Variants in PINX1 observed in about 807,000 individuals in gnomAD.
PINX1 encodes the protein PIN2 (TERF1) interacting telomerase inhibitor 1.
Under a neutral mutation model 25.4 loss-of-function variants are expected in PINX1, and 34 were observed. The observed-to-expected ratio is 1.34, with a 90% confidence interval of 1.02 to 1.78. The LOEUF is 1.78. PINX1 is among the 40% of genes most tolerant of loss of function. The pLI, the probability that PINX1 is intolerant of heterozygous loss-of-function variation, is 0.00. For synonymous variants in PINX1, 197 were observed against 147.7 expected (o/e 1.33, Z -2.42); for missense variants, 592 against 404.9 (o/e 1.46, Z -3.97).
chr8:10,837,550 G>C (rs926364166), intron 1 of PINX1, among the ~76,000 whole-genome samples: 1 of 152,252 alleles, frequency 6.6e-6, no homozygotes, highest in Admixed American at 6.5e-5. Flanking sequence ...TGGAACAGCA[G>C]TGTTTACAGC....
chr8:10,829,150 G>T (rs1276652253), intron 4 of PINX1, among the ~76,000 whole-genome samples: 2 of 152,026 alleles, frequency 1.3e-5, no homozygotes, highest in Non-Finnish European at 2.9e-5. Context: ...GCCAGGCGTG[G>T]TGGTGTGCAC....
intron 6 of PINX1, among the ~76,000 whole-genome samples, chr8:10,784,669 C>A (rs1420505292): frequency 6.6e-6 from 1 of 152,088 alleles, no homozygotes; most frequent in African/African-American, 2.4e-5. Flanking sequence ...GAGTTCAGGC[C>A]CACAAAATGC....
At chr8:10,792,083 A>G (rs952987608) in intron 6 of PINX1, among the ~76,000 whole-genome samples, 7 of 152,140 alleles carry the variant, frequency 4.6e-5, no homozygotes, top group Admixed American at 1.3e-4. Flanking sequence ...ACGATCAGCT[A>G]TTGGAGTCTG....
At chr8:10,791,576 C>A (rs10107180) in intron 6 of PINX1, among the ~76,000 whole-genome samples, 33,987 of 152,138 alleles carry the variant, frequency 0.22, 3,943 homozygotes, top group East Asian at 0.33. Flanking sequence ...TGTGAAGCTA[C>A]AATTAGAATT....
chr8:10,830,165 T>C (rs1363817413), intron 4 of PINX1, among the ~76,000 whole-genome samples: 2 of 152,274 alleles, frequency 1.3e-5, no homozygotes, highest in African/African-American at 2.4e-5. Flanking sequence ...TAATAAATTA[T>C]TGCCCTTCAT....
intron 6 of PINX1, among the ~76,000 whole-genome samples, chr8:10,774,351 G>A (rs1379097418): frequency 2.0e-5 from 3 of 150,830 alleles, no homozygotes; most frequent in South Asian, 2.1e-4. Context: ...GCACAATCTC[G>A]GCTCACCGCA....
At chr8:10,790,564 T>C (rs2129076349) in intron 6 of PINX1, among the ~76,000 whole-genome samples, 1 of 152,260 alleles carries the variant, frequency 6.6e-6, no homozygotes, top group East Asian at 1.9e-4. Context: ...TGGTCCATAC[T>C]GTCAGCCCCC....
chr8:10,770,953 C>G (rs1305399117), intron 6 of PINX1, among the ~76,000 whole-genome samples: 1 of 152,100 alleles, frequency 6.6e-6, no homozygotes, highest in East Asian at 1.9e-4. Context: ...AAGTAGACTC[C>G]CAGAGATCAA....
intron 4 of PINX1, among the ~76,000 whole-genome samples, chr8:10,830,929 C>G (rs772893874): frequency 9.2e-5 from 14 of 152,152 alleles, no homozygotes; most frequent in Admixed American, 4.6e-4. Flanking sequence ...CTATATGATC[C>G]AGCAATCCAC....
At chr8:10,832,793 G>A (rs1450387826) in intron 3 of PINX1, 99 bp downstream of exon 3, 4 of 667,114 alleles carry the variant, frequency 6.0e-6, no homozygotes, top group East Asian at 2.8e-5. Flanking sequence ...AAGAAGTGCT[G>A]CACCAATGGT....
At chr8:10,772,290 C>T (rs1257325721) in intron 6 of PINX1, among the ~76,000 whole-genome samples, 1 of 152,218 alleles carries the variant, frequency 6.6e-6, no homozygotes, top group Non-Finnish European at 1.5e-5. Flanking sequence ...TGAAAACAAC[C>T]TGGGCAAGCT....
intron 6 of PINX1, among the ~76,000 whole-genome samples, chr8:10,775,682 C>T (rs1288161341): frequency 2.0e-5 from 3 of 152,094 alleles, no homozygotes; most frequent in Admixed American, 2.0e-4. Context: ...AAAACGGGTA[C>T]TCAATTTAAG....
intron 6 of PINX1, among the ~76,000 whole-genome samples, chr8:10,806,994 CTCT>C (rs1316996853): frequency 6.6e-6 from 1 of 152,212 alleles, no homozygotes; most frequent in Non-Finnish European, 1.5e-5. Context: ...TTCCAAATGG[CTCT>C]TCATTAATTG....
At chr8:10,794,131 T>A (rs921993562) in intron 6 of PINX1, among the ~76,000 whole-genome samples, 1 of 152,230 alleles carries the variant, frequency 6.6e-6, no homozygotes, top group Non-Finnish European at 1.5e-5. Context: ...ATTTTTCTCT[T>A]CAAAAGTGAG....
At position 10,826,246 on chromosome 8, in the gene PINX1, T is replaced by G. The variant is rs1798035896; in HGVS notation, c.302-2A>C. 6.6e-7 allele frequency: 1 copy of G among 1,507,074 alleles called. No individual in the cohort carries two copies. The highest frequency in any genetic ancestry group is 9.1e-7 in the Non-Finnish European group (1 of 1,094,578). 93.4% of individuals were successfully genotyped at this position (1,507,074 alleles called of 1,614,324 possible). A position where few individuals can be genotyped will look rare whatever the true frequency, so the allele number is the denominator to read the frequency against. On this transcript the variant is annotated splice_acceptor_variant, in intron 4 of 6. Transcript: ENST00000314787. LOFTEE classifies it high-confidence loss of function. Reference sequence around the variant, plus strand: ...TCTTTTCCTTCTTGTCCGAGGAATCTTTAAAAAAGATGAAAAAAATACATT... The same window carrying G: ...TCTTTTCCTTCTTGTCCGAGGAATCGTTAAAAAAGATGAAAAAAATACATT...
chr8:10,790,060 T>C (rs1308804937), intron 6 of PINX1, among the ~76,000 whole-genome samples: 1 of 152,152 alleles, frequency 6.6e-6, no homozygotes, highest in Non-Finnish European at 1.5e-5. Context: ...CTGACCCTCA[T>C]CTCGACAAGA....
At chr8:10,772,744 C>T (rs7386206) in intron 6 of PINX1, among the ~76,000 whole-genome samples, 152,198 of 152,332 alleles carry the variant, frequency 1, 76,032 homozygotes, top group Non-Finnish European at 1. Context: ...AGCAAAGATA[C>T]AATAACAGAA....
intron 6 of PINX1, among the ~76,000 whole-genome samples, chr8:10,783,195 T>C (rs1400982622): frequency 6.6e-6 from 1 of 152,244 alleles, no homozygotes; most frequent in Non-Finnish European, 1.5e-5. Flanking sequence ...CACTTATTAA[T>C]AGTATGCAAT....
rs923434263 is a variant in PINX1 at position 10,790,001 on chromosome 8, A to G, written c.472-24085T>C. Reference sequence around the variant, plus strand: ...AGGGCAGAGTGCTCTCTCTGTGAGGACAACTGCATTCAGGAGGCCAGGATG... The same window carrying G: ...AGGGCAGAGTGCTCTCTCTGTGAGGGCAACTGCATTCAGGAGGCCAGGATG... On this transcript the variant is annotated intron_variant, in intron 6 of 6. Coordinates refer to ENST00000314787, the MANE Select transcript of PINX1 (RefSeq NM_017884.6). Among the ~76,000 whole-genome samples, 5 of 152,208 alleles carry G rather than the reference A, an allele frequency of 3.3e-5. No homozygotes were observed. The East Asian group carries it at 9.6e-4, about 29-fold the overall frequency.
Sources: allele counts gnomAD v4.1 joint callset (sites outside exome capture counted in the v4.1 genomes callset), GRCh38; gene constraint gnomAD v4.1.1; transcripts MANE v1.5; gene names NCBI Gene and HGNC (gene_info 2026-07-23, HGNC 2026-07-21).